Variants in CDH18 observed in about 807,000 individuals in gnomAD.
CDH18 encodes the protein cadherin 18.
A neutral mutation model predicts 67.9 loss-of-function variants in CDH18; 31 were observed. The observed-to-expected ratio is 0.46, with a 90% confidence interval of 0.34 to 0.62. The LOEUF (loss-of-function observed/expected upper bound fraction) is 0.62. Among genes scored for constraint, CDH18 ranks in the 20% least tolerant of loss-of-function variants. The pLI is 0.01. For missense variants in CDH18, 890 were observed against 975.5 expected, an observed-to-expected ratio of 0.91 and a Z score of 1.17; for synonymous variants, 362 against 347.2, an observed-to-expected ratio of 1.04 and a Z score of -0.48.
intron 2 of CDH18, among the ~76,000 whole-genome samples, chr5:20,076,166 T>G (rs567457064): frequency 1.4e-3 from 213 of 152,302 alleles, no homozygotes; most frequent in African/African-American, 4.8e-3. Flanking sequence ...CCATGTTGTT[T>G]TATATGTGTT....
intron 5 of CDH18, among the ~76,000 whole-genome samples, chr5:19,716,022 T>C (rs1581026803): frequency 2.0e-5 from 3 of 152,094 alleles, no homozygotes; most frequent in African/African-American, 4.8e-5. Flanking sequence ...TTTCACCATG[T>C]TGGCCAGGCT....
intron 2 of CDH18, among the ~76,000 whole-genome samples, chr5:20,231,096 A>G (rs9292904): frequency 0.7 from 105,914 of 152,032 alleles, 37,533 homozygotes; most frequent in African/African-American, 0.84. Flanking sequence ...GGCCACTGCT[A>G]CTATACGTTG....
At chr5:19,671,620 T>C (rs996345320) in intron 5 of CDH18, among the ~76,000 whole-genome samples, 2 of 152,098 alleles carry the variant, frequency 1.3e-5, no homozygotes, top group African/African-American at 4.8e-5. Context: ...ATTTGTCAAA[T>C]AGGATTTTTA....
At chr5:20,175,043 G>T (rs954570879) in intron 2 of CDH18, among the ~76,000 whole-genome samples, 61 of 152,172 alleles carry the variant, frequency 4.0e-4, no homozygotes, top group African/African-American at 1.5e-3. Flanking sequence ...GACTGTGTCT[G>T]TTCAAGATAT....
At chr5:20,151,309 G>T (rs563129449) in intron 2 of CDH18, among the ~76,000 whole-genome samples, 1 of 152,236 alleles carries the variant, frequency 6.6e-6, no homozygotes, top group African/African-American at 2.4e-5. Context: ...TTGCTGCAAA[G>T]AACATAATTG....
intron 1 of CDH18, among the ~76,000 whole-genome samples, chr5:20,355,550 G>T (rs1309582650): frequency 1.3e-5 from 2 of 152,148 alleles, no homozygotes; most frequent in African/African-American, 2.4e-5. Flanking sequence ...TAGAGTCTGA[G>T]ACTGAAAGAG....
chr5:19,692,631 A>G (rs555356836), intron 5 of CDH18, among the ~76,000 whole-genome samples: 1 of 152,006 alleles, frequency 6.6e-6, no homozygotes, highest in Non-Finnish European at 1.5e-5. Context: ...TAAGAATAAT[A>G]CTAGATATCA....
In CDH18 at chr5:19,954,556, T is replaced by C. The variant is rs115656952; in HGVS notation, c.-257+26504A>G. 2.2e-3 allele frequency among the ~76,000 whole-genome samples: 340 copies of C among 152,174 alleles called. 2 individuals are homozygous for C. The highest frequency in any genetic ancestry group is 8.0e-3 in the African/African-American group (332 of 41,558). On this transcript the variant is annotated intron_variant, in intron 2 of 12. Coordinates refer to ENST00000382275, the MANE Select transcript of CDH18 (RefSeq NM_004934.5). Reference sequence around the variant, plus strand: ...TAGAGATTTATATTAAACATGTCTTTAATCATAAACATGTTGGAACATCAA... The same window carrying C: ...TAGAGATTTATATTAAACATGTCTTCAATCATAAACATGTTGGAACATCAA...
intron 2 of CDH18, among the ~76,000 whole-genome samples, chr5:19,852,477 G>A (rs1157772274): frequency 6.6e-6 from 1 of 151,934 alleles, no homozygotes; most frequent in Non-Finnish European, 1.5e-5. Context: ...TTCGCTTGTA[G>A]GTCTGGGCCA....
intron 3 of CDH18, among the ~76,000 whole-genome samples, chr5:19,763,428 T>C (rs1772636051): frequency 6.6e-6 from 1 of 152,118 alleles, no homozygotes; most frequent in South Asian, 2.1e-4. Flanking sequence ...AGTACAAATG[T>C]TTGGTGTTTG....
intron 2 of CDH18, among the ~76,000 whole-genome samples, chr5:20,241,820 C>G (rs1377790552): frequency 6.7e-6 from 1 of 148,312 alleles, no homozygotes; most frequent in Non-Finnish European, 1.5e-5. Flanking sequence ...CCACTGCACT[C>G]CAGCCTGGGC....
intron 1 of CDH18, among the ~76,000 whole-genome samples, chr5:20,367,172 G>A (rs1211237824): frequency 2.0e-5 from 3 of 152,154 alleles, no homozygotes. Context: ...GAGAGCAGTA[G>A]ATACAGTGGT....
chr5:20,430,022 T>G (rs1748612356), intron 1 of CDH18, among the ~76,000 whole-genome samples: 1 of 152,146 alleles, frequency 6.6e-6, no homozygotes, highest in African/African-American at 2.4e-5. Flanking sequence ...TTTCTTGAAA[T>G]ATAGATTACT....
Position 20,172,216 on chromosome 5 carries a change from A to ACG in CDH18, c.-518+83227_-518+83228insCG, listed in dbSNP as rs1276417764. Among the ~76,000 whole-genome samples the ACG allele has an allele frequency of 1.9e-3, 152 of 78,752 alleles. 5 individuals are homozygous for ACG. The highest frequency in any genetic ancestry group is 8.0e-3 in the African/African-American group (139 of 17,448). 51.7% of individuals were successfully genotyped at this position (78,752 alleles called of 152,430 possible). A position where few individuals can be genotyped will look rare whatever the true frequency, so the allele number is the denominator to read the frequency against. On this transcript the variant is annotated intron_variant, in intron 2 of 14. Transcript: ENST00000507958. ...TATATATATATATATATATATATAT[A>ACG]TATATATGTATATATATATATATGT...
At chr5:20,569,682 C>T (rs1758700671) in intron 1 of CDH18, among the ~76,000 whole-genome samples, 1 of 152,104 alleles carries the variant, frequency 6.6e-6, no homozygotes, top group African/African-American at 2.4e-5. Context: ...TTGGTATTTA[C>T]CCAAATGAGT....
At position 20,437,801 on chromosome 5, in the gene CDH18, T is replaced by A. The variant is rs191505781; in HGVS notation, c.-580+137661A>T. ...AGTAGAATGAAACAAATAATAGCCTTACAGAAAAACCTCAATTACTTGAAA... is the reference window on the plus strand; with the variant it reads ...AGTAGAATGAAACAAATAATAGCCTAACAGAAAAACCTCAATTACTTGAAA... On this transcript the variant is annotated intron_variant, in intron 1 of 14. Coordinates refer to the CDH18 transcript ENST00000507958. Among the ~76,000 whole-genome samples the A allele has an allele frequency of 3.3e-5, 5 of 151,456 alleles. No individual in the cohort carries two copies. The East Asian group carries it at 9.6e-4, about 29-fold the overall frequency.
At chr5:19,967,909 C>T (rs1383131846) in intron 2 of CDH18, among the ~76,000 whole-genome samples, 2 of 152,108 alleles carry the variant, frequency 1.3e-5, no homozygotes, top group Non-Finnish European at 2.9e-5. Flanking sequence ...TTGTCCCTGT[C>T]TGCAGATGAC....
intron 2 of CDH18, among the ~76,000 whole-genome samples, chr5:20,076,828 A>C (rs1439149521): frequency 6.6e-6 from 1 of 152,204 alleles, no homozygotes; most frequent in Non-Finnish European, 1.5e-5. Context: ...TTTTGATATA[A>C]ATTTATTTCA....
intron 1 of CDH18, among the ~76,000 whole-genome samples, chr5:20,349,382 A>C (rs1377949046): frequency 6.6e-6 from 1 of 152,162 alleles, no homozygotes; most frequent in African/African-American, 2.4e-5. Context: ...AATTCATTGA[A>C]TACTCGGGAA....
Sources: allele counts gnomAD v4.1 joint callset (sites outside exome capture counted in the v4.1 genomes callset), GRCh38; gene constraint gnomAD v4.1.1; transcripts MANE v1.5; gene names NCBI Gene and HGNC (gene_info 2026-07-23, HGNC 2026-07-21).